The following MCU variants were observed in gnomAD, a reference collection of about 807,000 sequenced individuals.
MCU encodes the protein calcium uniporter protein, mitochondrial.
MCU carries 12 observed loss-of-function variants against 45.2 expected under a neutral mutation model. The ratio of observed to expected loss-of-function variants is 0.27; its 90% CI spans 0.17 to 0.43. The LOEUF (loss-of-function observed/expected upper bound fraction) is 0.43. Among genes scored for constraint, MCU ranks in the 20% least tolerant of loss-of-function variants. The probability of loss-of-function intolerance (pLI) is 1.00; values close to 1 mark genes in which losing one functional copy is unlikely to be tolerated. For synonymous variants in MCU, 160 were observed against 165.1 expected, an observed-to-expected ratio of 0.97 and a Z score of 0.24; for missense variants, 324 against 436.7, an observed-to-expected ratio of 0.74 and a Z score of 2.30.
chr10:72,863,614 A>G (rs1845411835), intron 4 of MCU, among the ~76,000 whole-genome samples: 2 of 152,168 alleles, frequency 1.3e-5, no homozygotes, highest in African/African-American at 2.4e-5. Context: ...ATACAAGTCT[A>G]TCTTATTTTA....
At chr10:72,851,041 T>G (rs964323671) in intron 2 of MCU, among the ~76,000 whole-genome samples, 1 of 152,202 alleles carries the variant, frequency 6.6e-6, no homozygotes, top group African/African-American at 2.4e-5. Context: ...AGTTGCAAAC[T>G]AAGAAATCTA....
At chr10:72,817,877 A>G (rs1366770650) in intron 1 of MCU, among the ~76,000 whole-genome samples, 1 of 152,232 alleles carries the variant, frequency 6.6e-6, no homozygotes, top group Non-Finnish European at 1.5e-5. Flanking sequence ...TTTTTGTCCC[A>G]CTGGCAATTA....
intron 1 of MCU, among the ~76,000 whole-genome samples, chr10:72,796,693 G>GTTTTTTTT (rs34029455): frequency 2.2e-5 from 3 of 133,944 alleles, no homozygotes; most frequent in Non-Finnish European, 4.8e-5. Flanking sequence ...TTTAGTTTTT[G>GTTTTTTTT]TTTTTTTTTT....
At chr10:72,863,219 C>T (rs1433474151) in intron 4 of MCU, among the ~76,000 whole-genome samples, 4 of 152,216 alleles carry the variant, frequency 2.6e-5, no homozygotes, top group Non-Finnish European at 5.9e-5. Context: ...TGATCATACT[C>T]TTTCTGTCTC....
intron 1 of MCU, among the ~76,000 whole-genome samples, chr10:72,775,775 AGGATAAATTCCT>A (rs1218861555): frequency 6.6e-6 from 1 of 152,182 alleles, no homozygotes; most frequent in Non-Finnish European, 1.5e-5. Context: ...CTAGAAGAAA[AGGATAAATTCCT>A]GGATACCGTA....
rs145860328 is a variant in MCU at position 72,868,854 on chromosome 10, C to T, written c.648C>T (p.Pro216=). Residue 216 remains proline (P), a synonymous_variant, in exon 5 of 8, where the codon CCC becomes CCT. Transcript: ENST00000373053. ...AGGATCTCAAAGAGCAGCTGGCTCC[C>T]CTGGAAAAGGTAAAACTTCCAATCT... is the stretch of plus-strand genomic sequence containing the variant. The part of the protein sequence containing the change: ...RLEDLKEQLA[P]LEKVRIEISR... The T allele has an allele frequency of 1.9e-6, 3 of 1,612,858 alleles. No individual in the cohort carries two copies. The African/African-American group carries it at 4.0e-5, about 22-fold the overall frequency.
intron 2 of MCU, among the ~76,000 whole-genome samples, chr10:72,857,139 A>G (rs1012318163): frequency 8.5e-5 from 13 of 152,070 alleles, no homozygotes; most frequent in Non-Finnish European, 1.6e-4. Flanking sequence ...AGAAGCTAGT[A>G]AGGAAACATT....
intron 1 of MCU, among the ~76,000 whole-genome samples, chr10:72,745,112 A>G (rs1355827852): frequency 6.6e-6 from 1 of 152,198 alleles, no homozygotes; most frequent in South Asian, 2.1e-4. Flanking sequence ...CTCAAGGCTT[A>G]TGGACAATTT....
At chr10:72,759,232 A>G (rs1210063109) in intron 1 of MCU, among the ~76,000 whole-genome samples, 1 of 151,942 alleles carries the variant, frequency 6.6e-6, no homozygotes. Flanking sequence ...AGGGCTCACA[A>G]CTCTAAGGGG....
intron 1 of MCU, among the ~76,000 whole-genome samples, chr10:72,728,749 C>G (rs142999449): frequency 1.4e-4 from 21 of 152,142 alleles, no homozygotes; most frequent in Admixed American, 5.2e-4. Context: ...AGCTTATTTC[C>G]TTTCCTACTC....
At chr10:72,768,361 T>C (rs1843757744) in intron 1 of MCU, among the ~76,000 whole-genome samples, 1 of 152,214 alleles carries the variant, frequency 6.6e-6, no homozygotes, top group South Asian at 2.1e-4. Flanking sequence ...TCTGGAAATT[T>C]ATTTCTTGTT....
intron 1 of MCU, among the ~76,000 whole-genome samples, chr10:72,757,236 G>C (rs1030195769): frequency 6.6e-6 from 1 of 152,130 alleles, no homozygotes; most frequent in South Asian, 2.1e-4. Context: ...CCAAATAGGA[G>C]ATGGTGAGGT....
chr10:72,717,505 C>T (rs951657605), intron 1 of MCU, among the ~76,000 whole-genome samples: 15 of 152,168 alleles, frequency 9.9e-5, no homozygotes, highest in African/African-American at 2.4e-4. Flanking sequence ...GTGATCCACC[C>T]GCTTCAGCCT....
At chr10:72,879,450 G>A (rs189744011) in intron 6 of MCU, among the ~76,000 whole-genome samples, 171 of 152,248 alleles carry the variant, frequency 1.1e-3, no homozygotes, top group Non-Finnish European at 1.7e-3. Context: ...CAATGGAATA[G>A]TATCTTCAAT....
intron 1 of MCU, among the ~76,000 whole-genome samples, chr10:72,793,580 C>T (rs1844199897): frequency 6.6e-6 from 1 of 151,996 alleles, no homozygotes; most frequent in African/African-American, 2.4e-5. Flanking sequence ...TGACTGGGCC[C>T]AGCAAGGTGG....
At chr10:72,773,408 T>C (rs12257079) in intron 1 of MCU, among the ~76,000 whole-genome samples, 49 of 152,098 alleles carry the variant, frequency 3.2e-4, no homozygotes, top group African/African-American at 1.2e-3. Context: ...ATAGTGAACT[T>C]GAAGATGGGC....
chr10:72,773,740 C>T (rs1292578083), intron 1 of MCU, among the ~76,000 whole-genome samples: 3 of 152,056 alleles, frequency 2.0e-5, no homozygotes, highest in African/African-American at 7.2e-5. Flanking sequence ...AGAAAAGAAG[C>T]AGATAACATA....
chr10:72,797,709 A>G (rs983992542), intron 1 of MCU, among the ~76,000 whole-genome samples: 6 of 151,022 alleles, frequency 4.0e-5, no homozygotes, highest in Non-Finnish European at 7.4e-5. Context: ...TAGTTTTTAT[A>G]TTTTTAGTAG....
intron 1 of MCU, among the ~76,000 whole-genome samples, chr10:72,751,997 G>A (rs1393654018): frequency 1.3e-5 from 2 of 151,592 alleles, no homozygotes; most frequent in Non-Finnish European, 2.9e-5. Flanking sequence ...CCGCCACCAC[G>A]CTGAGCCAAT....
Sources: allele counts gnomAD v4.1 joint callset (sites outside exome capture counted in the v4.1 genomes callset), GRCh38; gene constraint gnomAD v4.1.1; transcripts MANE v1.5; gene names NCBI Gene and HGNC (gene_info 2026-07-23, HGNC 2026-07-21).